Variants in ODF2 observed in about 807,000 individuals in gnomAD.
ODF2 encodes outer dense fiber of sperm tails 2, also known as outer dense fiber protein 2.
ODF2 carries 47 observed loss-of-function variants against 110.2 expected under a neutral mutation model. That is an observed-to-expected ratio of 0.43 (90% CI 0.34 to 0.54). ODF2 has a LOEUF of 0.54. ODF2 is among the 20% of genes least tolerant of loss of function. The probability of loss-of-function intolerance (pLI) is 0.03; values close to 1 mark genes in which losing one functional copy is unlikely to be tolerated. For synonymous variants in ODF2, 352 were observed against 397.7 expected (o/e 0.89, Z 1.37); for missense variants, 812 against 1,054.5 (o/e 0.77, Z 3.19).
intron 2 of ODF2, chr9:128,457,562 T>G: frequency 7.8e-7 from 1 of 1,276,304 alleles, no homozygotes; most frequent in Non-Finnish European, 1.1e-6. Flanking sequence ...GACCAAAACG[T>G]TTAAAAATCG....
At chr9:128,471,268 A>G (rs771607131) in intron 5 of ODF2, 40 bp from the exon 6 acceptor site, 2 of 1,570,586 alleles carry the variant, frequency 1.3e-6, no homozygotes, top group Non-Finnish European at 1.7e-6. Flanking sequence ...TAGAGGAAGG[A>G]CCTCCCTTCA....
intron 8 of ODF2, among the ~76,000 whole-genome samples, chr9:128,478,909 C>T (rs1484312176): frequency 2.0e-5 from 3 of 152,124 alleles, no homozygotes; most frequent in Non-Finnish European, 4.4e-5. Flanking sequence ...CCTCACTTGC[C>T]TTCACTTCTC....
intron 18 of ODF2, 80 bp from the exon 19 acceptor site, chr9:128,498,333 G>C: frequency 2.1e-6 from 3 of 1,432,486 alleles, no homozygotes; most frequent in Non-Finnish European, 2.8e-6. Flanking sequence ...CCCAGTCCAG[G>C]AGAGGCTGGC....
At chr9:128,473,113 G>T (rs1840429831) in intron 7 of ODF2, 71 bp downstream of exon 7, 2 of 1,598,820 alleles carry the variant, frequency 1.3e-6, no homozygotes, top group Non-Finnish European at 1.7e-6. Context: ...GCTGGGCAGG[G>T]TCTTTACGCG....
intron 14 of ODF2, among the ~76,000 whole-genome samples, chr9:128,492,040 T>A (rs769495610): frequency 4.0e-4 from 60 of 151,880 alleles, no homozygotes; most frequent in Non-Finnish European, 6.2e-4. Flanking sequence ...TAATTTTTTG[T>A]ACCTTTAGTA....
intron 7 of ODF2, 193 bp from the exon 8 acceptor site, chr9:128,473,417 C>T (rs183092285): frequency 2.1e-5 from 14 of 653,982 alleles, no homozygotes; most frequent in Non-Finnish European, 2.5e-5. Context: ...CACCTTTGCT[C>T]GGAGCAGACT....
At chr9:128,461,662 G>A (rs372756661) in intron 4 of ODF2, among the ~76,000 whole-genome samples, 255 of 152,122 alleles carry the variant, frequency 1.7e-3, no homozygotes, top group African/African-American at 5.0e-3. Context: ...CAGGTGATCC[G>A]CCCGCCTCGG....
intron 4 of ODF2, among the ~76,000 whole-genome samples, chr9:128,461,778 A>T (rs1398712276): frequency 6.6e-6 from 1 of 152,216 alleles, no homozygotes; most frequent in African/African-American, 2.4e-5. Context: ...AAAGAAAAAA[A>T]AATAGAAATG....
intron 6 of ODF2, among the ~76,000 whole-genome samples, chr9:128,471,767 G>A (rs1385067394): frequency 6.6e-6 from 1 of 152,108 alleles, no homozygotes; most frequent in African/African-American, 2.4e-5. Context: ...CATTCGGCAG[G>A]TGGGTGCTAG....
At position 128,489,595 on chromosome 9, in the gene ODF2, AT is replaced by A. The variant is rs958340203; in HGVS notation, c.1536+1571del. Reference sequence around the variant, plus strand: ...TTATTCATCCTCAGCGCTCTAGGGTATGTCGTTATATGAACACACCACAGTA... The same window carrying A: ...TTATTCATCCTCAGCGCTCTAGGGTAGTCGTTATATGAACACACCACAGTA... On this transcript the variant is annotated intron_variant, in intron 14 of 20. Transcript: ENST00000604420. Among the ~76,000 whole-genome samples the A allele has an allele frequency of 3.9e-5, 6 of 152,326 alleles. No individual in the cohort carries two copies. In the East Asian group the frequency reaches 9.6e-4, roughly 24 times the overall value.
rs1055661551 is a variant in ODF2, at chr9:128,484,658, T to C, written c.1105-43T>C. 9 of 1,547,388 alleles carry C rather than the reference T, an allele frequency of 5.8e-6. 1 individual carries two copies. Among genetic ancestry groups the C allele is most frequent in the Non-Finnish European group, 6.1e-6 (7 of 1,143,364 alleles). On this transcript the variant is annotated intron_variant, in intron 11 of 20. Coordinates refer to ENST00000604420, the Ensembl canonical transcript of ODF2. ...CTGCTTTGCCTTCCCACAACCTCCT[T>C]GTCTCTCTTCTCCCTCTCTTTCTCA...
chr9:128,484,433 T>G (rs1163961753), intron 11 of ODF2, among the ~76,000 whole-genome samples: 1 of 151,870 alleles, frequency 6.6e-6, no homozygotes, highest in African/African-American at 2.4e-5. Context: ...AGGCTGGGAG[T>G]TCAGGGAAGG....
intron 18 of ODF2, chr9:128,496,369 C>T: frequency 1.4e-6 from 2 of 1,384,500 alleles, no homozygotes; most frequent in South Asian, 1.3e-5. Flanking sequence ...TGATCAGGAT[C>T]TGCCCACCTG....
intron 18 of ODF2, chr9:128,496,386 C>T: frequency 7.6e-7 from 1 of 1,321,038 alleles, no homozygotes. Flanking sequence ...CCTGTAGGCA[C>T]CACCTGTCCC....
rs1466328438 is a variant in ODF2 at position 128,485,530 on chromosome 9, G to T, written c.1400+56G>T. The stretch of plus-strand genomic sequence containing the variant: ...CGCTGTTGAGGGACTTGGGTGTGCA[G>T]GTGGGAGGGGCCTAGTGGCTCAGGG... On this transcript the variant is annotated intron_variant, in intron 13 of 20. Transcript: ENST00000604420. The surrounding 1 kb of genome is among the most constrained non-coding windows in gnomAD (Gnocchi z 5.0). 2.8e-5 allele frequency: 27 copies of T among 972,698 alleles called. 1 individual carries two copies. In the South Asian group the frequency reaches 3.4e-4, roughly 12 times the overall value. The allele number at this position is 972,698 out of a possible 1,614,324, so 60.3% of individuals were successfully genotyped here. A position where few individuals can be genotyped will look rare whatever the true frequency, so the allele number is the denominator to read the frequency against.
chr9:128,486,810 G>C (rs1262557563), intron 13 of ODF2, among the ~76,000 whole-genome samples: 1 of 152,206 alleles, frequency 6.6e-6, no homozygotes, highest in Non-Finnish European at 1.5e-5. Context: ...GAGCAATCAT[G>C]GCACCAGCCC....
chr9:128,476,890 C>T (rs1344686772), intron 8 of ODF2, among the ~76,000 whole-genome samples: 3 of 151,142 alleles, frequency 2.0e-5, no homozygotes, highest in African/African-American at 7.3e-5. Flanking sequence ...CTGCCCACCT[C>T]AGCCTCCCAA....
intron 19 of ODF2, among the ~76,000 whole-genome samples, chr9:128,498,794 T>C (rs984013473): frequency 8.5e-5 from 13 of 152,172 alleles, no homozygotes; most frequent in Admixed American, 8.5e-4. Context: ...TTACCACATC[T>C]TAGGTGGTGA....
intron 8 of ODF2, 120 bp downstream of exon 8, chr9:128,473,861 T>G: frequency 1.1e-6 from 1 of 880,968 alleles, no homozygotes; most frequent in African/African-American, 1.7e-5. Flanking sequence ...CTTAGAGAGA[T>G]GTAATGAAAT....
Sources: gnomAD v4.1 joint callset for allele counts (sites outside exome capture counted in the v4.1 genomes callset) on GRCh38, gnomAD v4.1.1 for gene constraint, Gnocchi (gnomAD v3.1) non-coding constraint, MANE v1.5 for transcripts, NCBI Gene and HGNC (gene_info 2026-07-23, HGNC 2026-07-21) for gene names.